Variants in TIMELESS observed in about 807,000 individuals in gnomAD.
TIMELESS encodes timeless circadian regulator.
TIMELESS carries 124 observed loss-of-function variants against 164.3 expected under a neutral mutation model. The ratio of observed to expected loss-of-function variants is 0.75; its 90% CI spans 0.65 to 0.88. The LOEUF is 0.88. TIMELESS is among the 40% of genes least tolerant of loss of function. TIMELESS has a pLI of 0.00. For synonymous variants in TIMELESS, 564 were observed against 563.4 expected (o/e 1.00, Z -0.02); for missense variants, 1,422 against 1,491.4 (o/e 0.95, Z 0.77).
At chr12:56,422,260 C>CT in intron 19 of TIMELESS, 69 bp from the exon 20 acceptor site, 1 of 1,395,446 alleles carries the variant, frequency 7.2e-7, no homozygotes, top group Non-Finnish European at 1.0e-6. Context: ...AAGGCCTTCT[C>CT]TGATCAGTTC....
chr12:56,433,482 C>T (rs920653210), intron 4 of TIMELESS, 39 bp from the exon 5 acceptor site: 2 of 1,613,638 alleles, frequency 1.2e-6, no homozygotes. Context: ...AGCAGTCATC[C>T]ACTTCTTCAC....
chr12:56,421,684 T>C (rs1881495179), intron 22 of TIMELESS, 43 bp downstream of exon 22: 1 of 1,602,400 alleles, frequency 6.2e-7, no homozygotes, highest in Admixed American at 1.7e-5. Flanking sequence ...ATGGATAGCT[T>C]GGCTTTCATC....
chr12:56,420,029 A>AAAAAAAAATATATATATATATATAT (rs1555176447), intron 26 of TIMELESS, among the ~76,000 whole-genome samples: 1 of 75,188 alleles, frequency 1.3e-5, no homozygotes, highest in African/African-American at 6.7e-5. Context: ...AAAAAAAAAA[A>AAAAAAAAATATATATATATATATAT]ATATATATAT....
At chr12:56,435,515 T>C (rs1882040642) in intron 1 of TIMELESS, among the ~76,000 whole-genome samples, 2 of 152,156 alleles carry the variant, frequency 1.3e-5, no homozygotes, top group African/African-American at 2.4e-5. Flanking sequence ...TGTGCCATCA[T>C]GCCTGGCCTT....
intron 26 of TIMELESS, 113 bp from the exon 27 acceptor site, chr12:56,418,472 A>G: frequency 1.4e-6 from 1 of 734,706 alleles, no homozygotes; most frequent in Non-Finnish European, 2.3e-6. Context: ...AGGGTTGTGA[A>G]CTCTATTTAT....
chr12:56,431,374 A>T, intron 8 of TIMELESS, 97 bp downstream of exon 8: 1 of 1,315,968 alleles, frequency 7.6e-7, no homozygotes, highest in Non-Finnish European at 1.0e-6. Flanking sequence ...AAAAAAAAAC[A>T]CTAAAATGTT....
At position 56,438,763 on chromosome 12, in the gene TIMELESS, G is replaced by A. The variant is rs1457467490; in HGVS notation, c.-61-4532C>T. Among the ~76,000 whole-genome samples, 4 of 94,692 alleles carry A rather than the reference G, an allele frequency of 4.2e-5. No individual in the cohort carries two copies. In the East Asian group the frequency reaches 1.1e-3, roughly 25 times the overall value. 62.1% of individuals were successfully genotyped at this position (94,692 alleles called of 152,430 possible). ...ACCGCACTCCAGCCTAGATGACAGA[G>A]CAAAGCTCTGTCTCAAAAAAAAAAA... On this transcript the variant is annotated intron_variant, in intron 1 of 28. Coordinates refer to ENST00000553532, the MANE Select transcript of TIMELESS (RefSeq NM_003920.5).
At chr12:56,425,275 TCG>T in intron 13 of TIMELESS, 123 bp from the exon 14 acceptor site, 2 of 1,208,350 alleles carry the variant, frequency 1.7e-6, no homozygotes, top group Non-Finnish European at 2.2e-6. Context: ...CTGCTATCCA[TCG>T]GTAATAGAAA....
In TIMELESS at chr12:56,418,019, C is replaced by T. The variant is rs1487309256; in HGVS notation, c.3455-11G>A. On this transcript the variant is annotated splice_polypyrimidine_tract_variant and intron_variant, in intron 27 of 28. Coordinates refer to ENST00000553532, the MANE Select transcript of TIMELESS (RefSeq NM_003920.5). The stretch of plus-strand genomic sequence containing the variant: ...CAACAGCGTCTTCCTCTGCAATGAC[C>T]ATAAATGACACAAAATTAGGAACTC... 1.2e-6 allele frequency: 2 copies of T among 1,614,042 alleles called. No individual in the cohort carries two copies. Among genetic ancestry groups the T allele is most frequent in the Non-Finnish European group, 1.7e-6 (2 of 1,180,038 alleles).
chr12:56,431,729 TC>T, intron 7 of TIMELESS, 125 bp from the exon 8 acceptor site: 1 of 1,198,206 alleles, frequency 8.3e-7, no homozygotes, highest in Non-Finnish European at 1.1e-6. Context: ...GCTGTCGTTC[TC>T]CCTTATCTGA....
At position 56,431,512 on chromosome 12, in the gene TIMELESS, C is replaced by A. The variant is rs771659376; in HGVS notation, c.780G>T (p.Glu260Asp). ...FAELEVLRQR[E>D]MAEKKTRALQ... The stretch of plus-strand genomic sequence containing the variant: ...GGGCTCGAGTCTTCTTTTCTGCCAT[C>A]TCTCGCTGGCGCAACACCTCCAGTT... Residue 260 changes from glutamate (E) to aspartate (D), a missense_variant, in exon 8 of 29, where the codon GAG (glutamate) becomes GAT (aspartate). By Grantham distance (45) the Glu-to-Asp change is conservative. Transcript: ENST00000553532. The A allele has an allele frequency of 1.2e-6, 2 of 1,613,722 alleles. No homozygotes were observed. The highest frequency in any genetic ancestry group is 1.7e-5 in the Admixed American group (1 of 59,836).
intron 1 of TIMELESS, among the ~76,000 whole-genome samples, chr12:56,446,827 A>ACACT (rs1868358534): frequency 1.3e-5 from 2 of 148,696 alleles, no homozygotes; most frequent in African/African-American, 5.1e-5. Flanking sequence ...AAAAAAAAAG[A>ACACT]CTGCCCAAAA....
chr12:56,433,007 G>C lies in TIMELESS; in HGVS notation c.531+19C>G, dbSNP rs1267284687. 2.2e-6 allele frequency: 3 copies of C among 1,341,296 alleles called. No homozygotes were observed. Among genetic ancestry groups the C allele is most frequent in the Non-Finnish European group, 3.2e-6 (3 of 945,980 alleles). 83.1% of individuals were successfully genotyped at this position (1,341,296 alleles called of 1,614,324 possible). Reference sequence around the variant, plus strand: ...CAACCTAACCATGCACAAGAACACAGAACACCCAAGACCCTCACCTTCTCC... The same window carrying C: ...CAACCTAACCATGCACAAGAACACACAACACCCAAGACCCTCACCTTCTCC... On this transcript the variant is annotated intron_variant, in intron 6 of 28. Coordinates refer to ENST00000553532, the MANE Select transcript of TIMELESS (RefSeq NM_003920.5).
chr12:56,433,929 T>G lies in TIMELESS; in HGVS notation c.98-3A>C. On this transcript the variant is annotated splice_region_variant and splice_polypyrimidine_tract_variant and intron_variant, in intron 2 of 28. Transcript: ENST00000553532. ...GCGGATCAGATCCTTCACGCTCTCT[T>G]CAGAGACAGAACAAAACATGCATGT... The G allele has an allele frequency of 6.2e-7, 1 of 1,614,042 alleles. No homozygotes were observed. The highest frequency in any genetic ancestry group is 1.1e-5 in the South Asian group (1 of 91,078).
intron 1 of TIMELESS, among the ~76,000 whole-genome samples, chr12:56,437,911 A>T (rs1013104379): frequency 1.3e-5 from 2 of 152,230 alleles, no homozygotes; most frequent in Non-Finnish European, 2.9e-5. Flanking sequence ...AAAAAGGCAG[A>T]CACTGACTAG....
intron 26 of TIMELESS, among the ~76,000 whole-genome samples, chr12:56,419,781 T>A (rs1389829938): frequency 1.3e-5 from 2 of 150,832 alleles, no homozygotes; most frequent in African/African-American, 4.9e-5. Context: ...TAAAAAAAAA[T>A]AACAATACAA....
In TIMELESS at chr12:56,423,715, C is replaced by T. The variant is rs774250480; in HGVS notation, c.1967-8G>A. 6.2e-7 allele frequency: 1 copy of T among 1,614,044 alleles called. No individual in the cohort carries two copies. The highest frequency in any genetic ancestry group is 8.5e-7 in the Non-Finnish European group (1 of 1,179,974). On this transcript the variant is annotated splice_region_variant and splice_polypyrimidine_tract_variant and intron_variant, in intron 16 of 28. Coordinates refer to ENST00000553532, the MANE Select transcript of TIMELESS (RefSeq NM_003920.5). ...CCTCTGGGCCCTGCTGCCCTATAGA[C>T]AGAGGGAGGATTACTGAGTCTCTGT...
Position 56,434,083 on chromosome 12 carries a change from C to A in TIMELESS, c.88G>T (p.Asp30Tyr). ...LEGDTYHKEP[D>Y]CLESVKDLIR... The stretch of plus-strand genomic sequence containing the variant: ...TCAAAAAGGTACTCACCTAAGCAAT[C>A]TGGTTCCTTATGGTAAGTGTCTCCC... Residue 30 changes from aspartate to tyrosine, a missense_variant, in exon 2 of 29, where the codon GAT (aspartate) becomes TAT (tyrosine). Coordinates refer to ENST00000553532, the MANE Select transcript of TIMELESS (RefSeq NM_003920.5). The A allele has an allele frequency of 6.2e-7, 1 of 1,614,196 alleles. No individual in the cohort carries two copies. The highest frequency in any genetic ancestry group is 8.5e-7 in the Non-Finnish European group (1 of 1,180,008).
At chr12:56,449,014 T>C (rs1308255768) in intron 1 of TIMELESS, among the ~76,000 whole-genome samples, 1 of 152,168 alleles carries the variant, frequency 6.6e-6, no homozygotes, top group African/African-American at 2.4e-5. Context: ...TCAGGCACTT[T>C]CTGTTCTAAT....
Sources: allele counts gnomAD v4.1 joint callset (sites outside exome capture counted in the v4.1 genomes callset), GRCh38; gene constraint gnomAD v4.1.1; transcripts MANE v1.5; gene names NCBI Gene and HGNC (gene_info 2026-07-23, HGNC 2026-07-21).